Variants in WDR70 observed in about 807,000 individuals in gnomAD.
WDR70 encodes WD repeat domain 70, also known as WD repeat-containing protein 70.
In WDR70, 53 loss-of-function variants were observed where a neutral mutation model predicts 88.6. The observed-to-expected ratio is 0.60, with a 90% CI of 0.48 to 0.75. WDR70 has a LOEUF of 0.75. Among genes scored for constraint, WDR70 ranks in the 30% least tolerant of loss-of-function variants. WDR70 has a pLI of 0.00. For synonymous variants in WDR70, 280 were observed against 270.0 expected, an observed-to-expected ratio of 1.04 and a Z score of -0.36; for missense variants, 610 against 823.2, an observed-to-expected ratio of 0.74 and a Z score of 3.17.
At chr5:37,473,020 T>A (rs1739373785) in intron 7 of WDR70, among the ~76,000 whole-genome samples, 2 of 152,010 alleles carry the variant, frequency 1.3e-5, no homozygotes, top group Non-Finnish European at 1.5e-5. Context: ...GAATTCTAAT[T>A]GCTCCACATT....
chr5:37,714,015 T>C lies in WDR70; in HGVS notation c.1417-7100T>C, dbSNP rs190746256. 1.3e-3 allele frequency among the ~76,000 whole-genome samples: 203 copies of C among 152,296 alleles called. 2 individuals are homozygous for C. The highest frequency in any genetic ancestry group is 0.01 in the Middle Eastern group (3 of 294). ...TAGTATTTTTCCTTTTTGGAAATGA[T>C]AGATAGTGGTCTTGTAGGAGGATGG... On this transcript the variant is annotated intron_variant, in intron 13 of 17. Coordinates refer to ENST00000265107, the MANE Select transcript of WDR70 (RefSeq NM_018034.4).
chr5:37,565,512 A>G (rs545022074), intron 9 of WDR70, among the ~76,000 whole-genome samples: 3 of 152,224 alleles, frequency 2.0e-5, no homozygotes, highest in African/African-American at 7.2e-5. Context: ...TAACAAGATG[A>G]GCTGTAGTCA....
At chr5:37,480,290 G>A (rs891614781) in intron 8 of WDR70, among the ~76,000 whole-genome samples, 1 of 152,014 alleles carries the variant, frequency 6.6e-6, no homozygotes, top group African/African-American at 2.4e-5. Flanking sequence ...CTTCTTGCTG[G>A]CTCTCTGTCT....
chr5:37,744,586 A>G (rs1415225694), intron 17 of WDR70, among the ~76,000 whole-genome samples: 1 of 152,050 alleles, frequency 6.6e-6, no homozygotes, highest in Non-Finnish European at 1.5e-5. Flanking sequence ...AGAGAGGAAC[A>G]TAAATGACCT....
chr5:37,487,944 C>T (rs1003797778), intron 8 of WDR70, among the ~76,000 whole-genome samples: 3 of 151,996 alleles, frequency 2.0e-5, no homozygotes, highest in African/African-American at 7.2e-5. Context: ...ACTCTTTTGC[C>T]TCCAGGTATA....
chr5:37,541,177 T>A (rs1055051923), intron 9 of WDR70, among the ~76,000 whole-genome samples: 17 of 152,248 alleles, frequency 1.1e-4, no homozygotes, highest in African/African-American at 3.9e-4. Flanking sequence ...TCACTGTGAG[T>A]GACTTAACCC....
chr5:37,610,477 G>A (rs9292660), intron 10 of WDR70, among the ~76,000 whole-genome samples: 16,269 of 150,390 alleles, frequency 0.11, 2,815 homozygotes, highest in African/African-American at 0.37. Context: ...ATTTTATTCT[G>A]TGCCACTCCT....
chr5:37,527,117 T>C (rs919735571), intron 9 of WDR70, among the ~76,000 whole-genome samples: 4 of 151,590 alleles, frequency 2.6e-5, no homozygotes, highest in Non-Finnish European at 5.9e-5. Flanking sequence ...CTTCACAGAA[T>C]TGGAAAAAAA....
chr5:37,721,003 G>T, intron 13 of WDR70, 112 bp from the exon 14 acceptor site: 2 of 873,126 alleles, frequency 2.3e-6, no homozygotes, highest in Non-Finnish European at 3.6e-6. Context: ...AAAGTTAGAG[G>T]TAAACCATCA....
intron 8 of WDR70, among the ~76,000 whole-genome samples, chr5:37,511,326 C>T (rs1004555952): frequency 6.6e-6 from 1 of 152,044 alleles, no homozygotes; most frequent in Non-Finnish European, 1.5e-5. Context: ...GTTTATAATT[C>T]GTTACTATCA....
chr5:37,546,774 C>T (rs772826155), intron 9 of WDR70, among the ~76,000 whole-genome samples: 8 of 152,036 alleles, frequency 5.3e-5, no homozygotes, highest in Non-Finnish European at 1.0e-4. Context: ...CAAAAATTAG[C>T]CAGGCGTGGT....
intron 9 of WDR70, among the ~76,000 whole-genome samples, chr5:37,582,425 C>G (rs749679609): frequency 2.6e-5 from 4 of 152,204 alleles, no homozygotes; most frequent in Non-Finnish European, 5.9e-5. Flanking sequence ...TAAGAATGCT[C>G]TGCTTGCTTA....
At chr5:37,503,306 G>T (rs1217697918) in intron 8 of WDR70, among the ~76,000 whole-genome samples, 3 of 151,664 alleles carry the variant, frequency 2.0e-5, no homozygotes, top group Non-Finnish European at 4.4e-5. Flanking sequence ...GGATGTGCAG[G>T]TTTGTTACAT....
intron 7 of WDR70, among the ~76,000 whole-genome samples, chr5:37,473,456 G>T (rs1739389060): frequency 1.3e-5 from 2 of 150,750 alleles, no homozygotes; most frequent in African/African-American, 4.9e-5. Context: ...CGATTCTCCT[G>T]CCTCAGCCTC....
intron 10 of WDR70, among the ~76,000 whole-genome samples, chr5:37,609,592 G>A (rs1425955263): frequency 1.3e-5 from 2 of 152,214 alleles, no homozygotes; most frequent in African/African-American, 4.8e-5. Flanking sequence ...ATTTGAGGTT[G>A]TTTGATTTTG....
intron 10 of WDR70, among the ~76,000 whole-genome samples, chr5:37,617,206 A>G (rs1309549164): frequency 1.3e-5 from 2 of 152,140 alleles, no homozygotes; most frequent in African/African-American, 4.8e-5. Flanking sequence ...GGGTTTAACA[A>G]CTCGCCCAAG....
intron 5 of WDR70, among the ~76,000 whole-genome samples, chr5:37,415,410 G>T (rs1400820093): frequency 3.0e-5 from 3 of 101,084 alleles, no homozygotes; most frequent in African/African-American, 5.5e-5. Context: ...CGGGCGGGGG[G>T]CTGACCCCCC....
chr5:37,752,287 A>G (rs899932300), intron 17 of WDR70, among the ~76,000 whole-genome samples, 199 bp from the exon 18 acceptor site: 1 of 152,196 alleles, frequency 6.6e-6, no homozygotes, highest in Non-Finnish European at 1.5e-5. Flanking sequence ...AAATCTTTAA[A>G]AGAATCTTTT....
intron 9 of WDR70, among the ~76,000 whole-genome samples, chr5:37,550,046 G>A (rs1742099817): frequency 6.6e-6 from 1 of 151,964 alleles, no homozygotes; most frequent in Non-Finnish European, 1.5e-5. Context: ...ATTTTTTTTA[G>A]TGGAGATGGA....
Sources: allele counts gnomAD v4.1 joint callset (sites outside exome capture counted in the v4.1 genomes callset), GRCh38; gene constraint gnomAD v4.1.1; transcripts MANE v1.5; gene names NCBI Gene and HGNC (gene_info 2026-07-23, HGNC 2026-07-21).